Variants in TIMM44 observed in about 807,000 individuals in gnomAD.
The protein encoded by TIMM44 is translocase of inner mitochondrial membrane 44.
A neutral mutation model predicts 63.8 loss-of-function variants in TIMM44; 37 were observed. The ratio of observed to expected loss-of-function variants is 0.58; its 90% confidence interval spans 0.45 to 0.76. The LOEUF (loss-of-function observed/expected upper bound fraction) is 0.76, where lower values mean the gene tolerates loss of function less well. Among genes scored for constraint, TIMM44 ranks in the 30% least tolerant of loss-of-function variants. The pLI, the probability that TIMM44 is intolerant of heterozygous loss-of-function variation, is 0.00. For synonymous variants in TIMM44, 239 were observed against 245.1 expected (o/e 0.98, Z 0.23); for missense variants, 573 against 603.8 (o/e 0.95, Z 0.54).
chr19:7,934,244 G>C lies in TIMM44; in HGVS notation c.394-6C>G. Reference sequence around the variant, plus strand: ...TTACTGACTTCGTGAAGGCTCTACTGAGACAGACACAGAGAGGGGGCGTTG... The same window carrying C: ...TTACTGACTTCGTGAAGGCTCTACTCAGACAGACACAGAGAGGGGGCGTTG... On this transcript the variant is annotated splice_region_variant and splice_polypyrimidine_tract_variant and intron_variant, in intron 4 of 12. Coordinates refer to ENST00000270538, the MANE Select transcript of TIMM44 (RefSeq NM_006351.4). This position sits in a 1 kb window ranked among gnomAD's most constrained non-coding sequence, Gnocchi z 5.3. The C allele has an allele frequency of 6.2e-7, 1 of 1,611,148 alleles. No homozygotes were observed. Among genetic ancestry groups the C allele is most frequent in the Non-Finnish European group, 8.5e-7 (1 of 1,179,958 alleles).
chr19:7,931,275 G>T, intron 9 of TIMM44, 87 bp from the exon 10 acceptor site: 2 of 1,273,002 alleles, frequency 1.6e-6, no homozygotes, highest in Non-Finnish European at 2.3e-6. Flanking sequence ...CCAGTGGTGC[G>T]GGGTGGGGAG....
intron 2 of TIMM44, among the ~76,000 whole-genome samples, chr19:7,940,322 G>A (rs1419770715): frequency 6.6e-6 from 1 of 152,020 alleles, no homozygotes; most frequent in East Asian, 1.9e-4. Context: ...TGCCACCCTG[G>A]CCAGCCTTTC....
intron 1 of TIMM44, among the ~76,000 whole-genome samples, chr19:7,942,627 G>GTATTTT (rs1467560005): frequency 7.9e-5 from 12 of 151,496 alleles, no homozygotes; most frequent in African/African-American, 2.7e-4. Context: ...AACTTACACA[G>GTATTTT]GTGCCTACTA....
intron 2 of TIMM44, 65 bp from the exon 3 acceptor site, chr19:7,938,262 C>G: frequency 7.7e-7 from 1 of 1,300,662 alleles, no homozygotes; most frequent in Non-Finnish European, 1.1e-6. Flanking sequence ...AAATGCCCCA[C>G]AGAGGGACTC....
intron 9 of TIMM44, chr19:7,931,427 C>A: frequency 1.9e-6 from 1 of 540,344 alleles, no homozygotes; most frequent in Non-Finnish European, 3.4e-6. Context: ...GGGCGACCAC[C>A]CAGGAGGCAC....
chr19:7,932,677 C>G lies in TIMM44; in HGVS notation c.937G>C (p.Asp313His). The G allele has an allele frequency of 6.2e-7, 1 of 1,614,150 alleles. No individual in the cohort carries two copies. The highest frequency in any genetic ancestry group is 8.5e-7 in the Non-Finnish European group (1 of 1,180,022). The change falls in exon 9 of 13, where the codon GAC (aspartate) becomes CAC (histidine). Residue 313 changes from aspartate to histidine, a missense_variant. By Grantham distance (81) the Asp-to-His change is moderately conservative. Transcript: ENST00000270538. ...ILRVDPAFDK[D>H]RFLKQCENDI... ...TTCTCGCACTGTTTCAGAAACCGGT[C>G]CTTGTCAAAGGCCGGGTCCACCCGG...
chr19:7,934,363 T>C lies in TIMM44; in HGVS notation c.394-125A>G. 1 of 1,299,736 alleles carries C rather than the reference T, an allele frequency of 7.7e-7. No individual in the cohort carries two copies. Among genetic ancestry groups the C allele is most frequent in the East Asian group, 2.3e-5 (1 of 43,062 alleles). The allele number at this position is 1,299,736 out of a possible 1,614,324, so 80.5% of individuals were successfully genotyped here. ...GGTTCCCCGAGGCCGGCAGAGGCCT[T>C]CTGTGCTCCTGTGGTACGCGGCACC... is the stretch of plus-strand genomic sequence containing the variant. On this transcript the variant is annotated intron_variant, in intron 4 of 12. Coordinates refer to ENST00000270538, the MANE Select transcript of TIMM44 (RefSeq NM_006351.4). This position sits in a 1 kb window ranked among gnomAD's most constrained non-coding sequence, Gnocchi z 5.3.
At chr19:7,935,217 G>GTTT in intron 3 of TIMM44, 72 bp from the exon 4 acceptor site, 1 of 1,360,282 alleles carries the variant, frequency 7.4e-7, no homozygotes. Context: ...CGAGGCTGGA[G>GTTT]TACAGTGGCA....
In TIMM44 at chr19:7,943,662, C is replaced by G. The variant is rs1000936266; in HGVS notation, c.-11G>C. 7.1e-6 allele frequency: 11 copies of G among 1,559,464 alleles called. No homozygotes were observed. The highest frequency in any genetic ancestry group is 8.6e-6 in the Non-Finnish European group (10 of 1,159,504). On this transcript the variant is annotated 5_prime_UTR_variant, in exon 1 of 13. Transcript: ENST00000270538. This position sits in a 1 kb window ranked among gnomAD's most constrained non-coding sequence, Gnocchi z 4.3. The stretch of plus-strand genomic sequence containing the variant: ...GGCCGCCGCCGCCATGTTGGAGAAT[C>G]GTGTGACCTTCTCGCGGCGCGGCCC...
In TIMM44 at chr19:7,932,702, G is replaced by C. The variant is rs965323918; in HGVS notation, c.912C>G (p.Leu304=). The part of the protein sequence containing the change: ...TEMSEVLTEI[L]RVDPAFDKDR... ...CCTTGTCAAAGGCCGGGTCCACCCG[G>C]AGGATCTCCGTGAGCACCTCCGACA... Residue 304 remains leucine, a synonymous_variant, in exon 9 of 13, where the codon CTC becomes CTG. Coordinates refer to ENST00000270538, the MANE Select transcript of TIMM44 (RefSeq NM_006351.4). 1.2e-6 allele frequency: 2 copies of C among 1,614,168 alleles called. No homozygotes were observed. The highest frequency in any genetic ancestry group is 1.7e-5 in the Admixed American group (1 of 60,034).
chr19:7,927,834 CCCCTGCGCCTAGG>C, intron 11 of TIMM44, 67 bp from the exon 12 acceptor site: 1 of 1,513,576 alleles, frequency 6.6e-7, no homozygotes, highest in Non-Finnish European at 9.1e-7. Context: ...GGAGGTGAAA[CCCCTGCGCCTAGG>C]CCCTGCTAGG....
Position 7,941,082 on chromosome 19 carries a change from G to C in TIMM44, c.141+20C>G, listed in dbSNP as rs376394862. The C allele has an allele frequency of 5.6e-6, 9 of 1,606,582 alleles. No homozygotes were observed. The highest frequency in any genetic ancestry group is 7.7e-6 in the Non-Finnish European group (9 of 1,173,800). On this transcript the variant is annotated intron_variant, in intron 2 of 12. Coordinates refer to ENST00000270538, the MANE Select transcript of TIMM44 (RefSeq NM_006351.4). ...GGGCCTCCCCTGTGTCTGCTGGCCC[G>C]AGCATCCTGAGTCACTCACCAGTGG...
intron 3 of TIMM44, among the ~76,000 whole-genome samples, chr19:7,935,453 C>T (rs963786500): frequency 6.6e-6 from 1 of 152,232 alleles, no homozygotes; most frequent in African/African-American, 2.4e-5. Context: ...GTGTGAGCCA[C>T]TGTGCCTGGC....
At chr19:7,940,184 G>C (rs1984266793) in intron 2 of TIMM44, among the ~76,000 whole-genome samples, 1 of 149,074 alleles carries the variant, frequency 6.7e-6, no homozygotes, top group Non-Finnish European at 1.5e-5. Context: ...AGTGAGCCGT[G>C]ATAGTGCCAC....
At chr19:7,935,034 C>A (rs768029834) in intron 4 of TIMM44, 31 bp downstream of exon 4, 1 of 1,597,550 alleles carries the variant, frequency 6.3e-7, no homozygotes, top group Non-Finnish European at 8.5e-7. Context: ...TTGATGGCCC[C>A]AGCGGCTCCA....
intron 1 of TIMM44, 62 bp from the exon 2 acceptor site, chr19:7,941,259 G>A (rs1984303221): frequency 7.6e-7 from 1 of 1,314,882 alleles, no homozygotes; most frequent in Non-Finnish European, 1.1e-6. Flanking sequence ...GAAGTAAGCA[G>A]ACCACACACA....
intron 3 of TIMM44, among the ~76,000 whole-genome samples, chr19:7,936,792 AC>A (rs1189032942): frequency 2.0e-5 from 3 of 152,072 alleles, no homozygotes; most frequent in African/African-American, 7.2e-5. Flanking sequence ...ACATGGTGAA[AC>A]CCCGTCTCTA....
In TIMM44 at chr19:7,942,475, C is replaced by T. The variant is rs1226669830; in HGVS notation, c.45+1132G>A. On this transcript the variant is annotated intron_variant, in intron 1 of 12. Transcript: ENST00000270538. Reference sequence around the variant, plus strand: ...AGCTCTGTGCAGGTCCTGTTCAGCTCGGCACCCTGTCACCCAGCACAGAAC... The same window carrying T: ...AGCTCTGTGCAGGTCCTGTTCAGCTTGGCACCCTGTCACCCAGCACAGAAC... Among the ~76,000 whole-genome samples the T allele has an allele frequency of 5.9e-5, 9 of 151,986 alleles. No individual in the cohort carries two copies. The East Asian group carries it at 7.7e-4, about 13-fold the overall frequency.
intron 3 of TIMM44, among the ~76,000 whole-genome samples, chr19:7,935,736 G>A (rs1364168787): frequency 6.6e-6 from 1 of 152,180 alleles, no homozygotes; most frequent in Non-Finnish European, 1.5e-5. Flanking sequence ...CGGGTGGTAG[G>A]AGGTGGCCTT....
Sources: gnomAD v4.1 joint callset for allele counts (sites outside exome capture counted in the v4.1 genomes callset) on GRCh38, gnomAD v4.1.1 for gene constraint, Gnocchi (gnomAD v3.1) non-coding constraint, MANE v1.5 for transcripts, NCBI Gene and HGNC (gene_info 2026-07-23, HGNC 2026-07-21) for gene names.